Variants in CEP112 observed in about 807,000 individuals in gnomAD.
The protein encoded by CEP112 is centrosomal protein of 112 kDa.
Under a neutral mutation model 153.0 loss-of-function variants are expected in CEP112, and 127 were observed. The ratio of observed to expected loss-of-function variants is 0.83; its 90% CI spans 0.72 to 0.96. The LOEUF (loss-of-function observed/expected upper bound fraction) is 0.96, where lower values mean the gene tolerates loss of function less well. CEP112 is among the 40% of genes least tolerant of loss of function. The probability of loss-of-function intolerance (pLI) is 0.00; values close to 1 mark genes in which losing one functional copy is unlikely to be tolerated. For missense variants in CEP112, 1,089 were observed against 1,101.2 expected (o/e 0.99, Z 0.16); for synonymous variants, 358 against 374.4 (o/e 0.96, Z 0.51).
At position 66,077,843 on chromosome 17, in the gene CEP112, A is replaced by C. The variant is rs2067560183; in HGVS notation, c.769-7842T>G. On this transcript the variant is annotated intron_variant, in intron 8 of 26. Transcript: ENST00000535342. ...CTCCCACTCTGTGGGTTGTCTGTTTACCCTGCTGACTGTTCCTTTTACCGT... is the reference window on the plus strand; with the variant it reads ...CTCCCACTCTGTGGGTTGTCTGTTTCCCCTGCTGACTGTTCCTTTTACCGT... Among the ~76,000 whole-genome samples the C allele has an allele frequency of 2.6e-5, 4 of 152,192 alleles. No individual in the cohort carries two copies. In the South Asian group the frequency reaches 8.3e-4, roughly 32 times the overall value.
At chr17:65,805,905 A>G (rs1420598859) in intron 21 of CEP112, among the ~76,000 whole-genome samples, 1 of 152,212 alleles carries the variant, frequency 6.6e-6, no homozygotes, top group Non-Finnish European at 1.5e-5. Flanking sequence ...CCTGTTTCAA[A>G]TGTTTACCAG....
chr17:66,165,238 C>A (rs901390441), intron 4 of CEP112, among the ~76,000 whole-genome samples: 9 of 141,784 alleles, frequency 6.3e-5, no homozygotes, highest in South Asian at 2.2e-4. Context: ...CTGCCCAACA[C>A]AGTAGCCCCT....
chr17:66,095,289 T>TACAC (rs964428901), intron 8 of CEP112, among the ~76,000 whole-genome samples: 6 of 151,278 alleles, frequency 4.0e-5, no homozygotes, highest in African/African-American at 1.5e-4. Flanking sequence ...TATATACACA[T>TACAC]ACACACACAC....
intron 17 of CEP112, among the ~76,000 whole-genome samples, chr17:66,000,704 A>G (rs2064003003): frequency 6.6e-6 from 1 of 152,142 alleles, no homozygotes; most frequent in Non-Finnish European, 1.5e-5. Context: ...CAGGAATAGT[A>G]TTGGGAAGAG....
intron 21 of CEP112, among the ~76,000 whole-genome samples, chr17:65,752,001 TCTA>T (rs1452699661): frequency 7.3e-6 from 1 of 137,604 alleles, no homozygotes; most frequent in African/African-American, 2.8e-5. Flanking sequence ...TATCTATCTA[TCTA>T]CTGTTCCTTT....
intron 6 of CEP112, among the ~76,000 whole-genome samples, chr17:66,108,794 T>C (rs1568498745): frequency 6.6e-6 from 1 of 152,144 alleles, no homozygotes; most frequent in Non-Finnish European, 1.5e-5. Flanking sequence ...AATTAGTGTA[T>C]CAAAGAGATA....
chr17:65,878,011 C>G (rs1327655364), intron 20 of CEP112, among the ~76,000 whole-genome samples: 1 of 152,172 alleles, frequency 6.6e-6, no homozygotes, highest in Admixed American at 6.5e-5. Flanking sequence ...AAACAGAGAA[C>G]AGAATAGGCA....
At chr17:65,705,306 G>T (rs962767815) in intron 23 of CEP112, among the ~76,000 whole-genome samples, 2 of 152,220 alleles carry the variant, frequency 1.3e-5, no homozygotes, top group Non-Finnish European at 2.9e-5. Context: ...ACATTATTGA[G>T]AAGATTCCTC....
chr17:66,045,365 T>C (rs2066162501), intron 12 of CEP112, among the ~76,000 whole-genome samples: 1 of 152,118 alleles, frequency 6.6e-6, no homozygotes, highest in Non-Finnish European at 1.5e-5. Flanking sequence ...CCACCATGCC[T>C]GGCCAAAATA....
intron 21 of CEP112, among the ~76,000 whole-genome samples, chr17:65,840,993 CAAAA>C (rs1213584448): frequency 6.6e-6 from 1 of 151,774 alleles, no homozygotes; most frequent in East Asian, 1.9e-4. Context: ...ATCAAAAAGA[CAAAA>C]AACAAATGCT....
In CEP112 at chr17:65,841,907, TAC is replaced by T. The variant is rs970112105; in HGVS notation, c.2394+9895_2394+9896del. Among the ~76,000 whole-genome samples, 226 of 74,316 alleles carry T rather than the reference TAC, an allele frequency of 3.0e-3. 1 individual carries two copies. Among genetic ancestry groups the T allele is most frequent in the African/African-American group, 6.7e-3 (192 of 28,734 alleles). The allele number at this position is 74,316 out of a possible 152,430, so 48.8% of individuals were successfully genotyped here. A position where few individuals can be genotyped will look rare whatever the true frequency, so the allele number is the denominator to read the frequency against. ...TAAACTGTGTGTGTGTGTACACACA[TAC>T]ACACACACACACACACGAGACTTAG... On this transcript the variant is annotated intron_variant, in intron 21 of 26. Coordinates refer to ENST00000535342, the MANE Select transcript of CEP112 (RefSeq NM_001199165.4).
At chr17:65,843,587 C>A (rs1301847041) in intron 21 of CEP112, among the ~76,000 whole-genome samples, 2 of 152,054 alleles carry the variant, frequency 1.3e-5, no homozygotes, top group Non-Finnish European at 2.9e-5. Flanking sequence ...TTTCTATGAC[C>A]TTAACTTTGA....
At position 65,817,396 on chromosome 17, in the gene CEP112, C is replaced by T. The variant is rs9915477; in HGVS notation, c.2394+34408G>A. On this transcript the variant is annotated intron_variant, in intron 21 of 26. Coordinates refer to ENST00000535342, the MANE Select transcript of CEP112 (RefSeq NM_001199165.4). ...ACTGAAACAACCAATAGCTATTTAA[C>T]GGAGAAAGATTACAAAATCATTTCC... Among the ~76,000 whole-genome samples, 497 of 151,950 alleles carry T rather than the reference C, an allele frequency of 3.3e-3. 4 individuals carry two copies. The highest frequency in any genetic ancestry group is 0.011 in the African/African-American group (472 of 41,526).
In CEP112 at chr17:66,103,974, G is replaced by A. The variant is rs372957232; in HGVS notation, c.643-7342C>T. Among the ~76,000 whole-genome samples, 6 of 152,238 alleles carry A rather than the reference G, an allele frequency of 3.9e-5. No homozygotes were observed. In the East Asian group the frequency reaches 7.7e-4, roughly 20 times the overall value. ...AGGCAAATCATTCATCCCAGCAGTC[G>A]GAACCTTAGTTCTAGCGAACTCCAC... On this transcript the variant is annotated intron_variant, in intron 6 of 26. Coordinates refer to ENST00000535342, the MANE Select transcript of CEP112 (RefSeq NM_001199165.4).
intron 3 of CEP112, 26 bp from the exon 4 acceptor site, chr17:66,175,242 A>C (rs2072422484): frequency 6.7e-6 from 10 of 1,496,476 alleles, no homozygotes; most frequent in Non-Finnish European, 8.9e-6. Context: ...TAGAAAAATT[A>C]TTCTTTCAAA....
intron 17 of CEP112, among the ~76,000 whole-genome samples, chr17:65,977,867 GA>G (rs2063094018): frequency 1.3e-5 from 2 of 152,186 alleles, no homozygotes; most frequent in South Asian, 2.1e-4. Context: ...TTGAAGTCAG[GA>G]GTTCAAGACC....
At chr17:65,817,413 A>G (rs1385974578) in intron 21 of CEP112, among the ~76,000 whole-genome samples, 1 of 152,040 alleles carries the variant, frequency 6.6e-6, no homozygotes, top group East Asian at 1.9e-4. Context: ...AGATTACAAA[A>G]TCATTTCCTA....
intron 6 of CEP112, among the ~76,000 whole-genome samples, chr17:66,125,183 T>C (rs898522613): frequency 2.0e-5 from 3 of 152,244 alleles, no homozygotes; most frequent in Non-Finnish European, 4.4e-5. Context: ...AGAATTTGTC[T>C]TATCAAAGTA....
chr17:65,820,077 GTA>G (rs2056453457), intron 21 of CEP112, among the ~76,000 whole-genome samples: 2 of 152,044 alleles, frequency 1.3e-5, no homozygotes, highest in Non-Finnish European at 2.9e-5. Context: ...TAACATTTCA[GTA>G]AGTGTAAATA....
Sources: gnomAD v4.1 joint callset for allele counts (sites outside exome capture counted in the v4.1 genomes callset) on GRCh38, gnomAD v4.1.1 for gene constraint, MANE v1.5 for transcripts, NCBI Gene and HGNC (gene_info 2026-07-23, HGNC 2026-07-21) for gene names.